The following CYTH1 variants were observed in gnomAD, a reference collection of about 807,000 sequenced individuals.
The protein encoded by CYTH1 is cytohesin 1.
Under a neutral mutation model 61.8 loss-of-function variants are expected in CYTH1, and 18 were observed. The observed-to-expected ratio is 0.29, with a 90% CI of 0.20 to 0.43. The LOEUF is 0.43. Among genes scored for constraint, CYTH1 ranks in the 20% least tolerant of loss-of-function variants. CYTH1 has a pLI of 1.00. For synonymous variants in CYTH1, 174 were observed against 184.3 expected (o/e 0.94, Z 0.45); for missense variants, 336 against 510.5 (o/e 0.66, Z 3.29).
chr17:78,769,435 C>T (rs1055877635), intron 1 of CYTH1, among the ~76,000 whole-genome samples: 1 of 152,112 alleles, frequency 6.6e-6, no homozygotes, highest in Non-Finnish European at 1.5e-5. Flanking sequence ...CTACTTGGCA[C>T]TAACTCATCT....
intron 7 of CYTH1, 97 bp from the exon 8 acceptor site, chr17:78,699,065 G>T: frequency 6.8e-7 from 1 of 1,465,704 alleles, no homozygotes; most frequent in Non-Finnish European, 9.3e-7. Flanking sequence ...ATGAAATCAG[G>T]AATAAAAAAC....
rs1417160834 is a variant in CYTH1 at position 78,760,424 on chromosome 17, TACAC to T, written c.22+21774_22+21777del. Among the ~76,000 whole-genome samples the T allele has an allele frequency of 2.6e-4, 18 of 68,484 alleles. 2 individuals are homozygous for T. The highest frequency in any genetic ancestry group is 6.5e-4 in the Admixed American group (4 of 6,146). The allele number at this position is 68,484 out of a possible 152,430, so 44.9% of individuals were successfully genotyped here. On this transcript the variant is annotated intron_variant, in intron 1 of 13. Transcript: ENST00000446868. ...ATATATATGTGTATATATATATATA[TACAC>T]ATACATATATATATGTATATATATA... is the stretch of plus-strand genomic sequence containing the variant.
At chr17:78,769,251 C>T (rs756317950) in intron 1 of CYTH1, among the ~76,000 whole-genome samples, 1 of 151,790 alleles carries the variant, frequency 6.6e-6, no homozygotes, top group Non-Finnish European at 1.5e-5. Context: ...CATACTGAAG[C>T]CCCCCATAAC....
intron 13 of CYTH1, among the ~76,000 whole-genome samples, chr17:78,678,699 A>G (rs936931974): frequency 6.6e-6 from 1 of 152,276 alleles, no homozygotes; most frequent in South Asian, 2.1e-4. Flanking sequence ...CGTCTGCTCA[A>G]TGGAGGGTGG....
In CYTH1 at chr17:78,760,583, A is replaced by ATG. The variant is rs375333481; in HGVS notation, c.22+21617_22+21618dup. 2.8e-3 allele frequency among the ~76,000 whole-genome samples: 66 copies of ATG among 23,332 alleles called. 14 individuals carry two copies. Among genetic ancestry groups the ATG allele is most frequent in the African/African-American group, 7.9e-3 (61 of 7,700 alleles). The allele number at this position is 23,332 out of a possible 152,430, so 15.3% of individuals were successfully genotyped here. A position where few individuals can be genotyped will look rare whatever the true frequency, so the allele number is the denominator to read the frequency against. ...TATATATATATACACATACATATATATGTATATATATGTATATATATAGTT... is the reference window on the plus strand; with the variant it reads ...TATATATATATACACATACATATATATGTGTATATATATGTATATATATAGTT... On this transcript the variant is annotated intron_variant, in intron 1 of 13. Coordinates refer to ENST00000446868, the MANE Select transcript of CYTH1 (RefSeq NM_004762.6).
At chr17:78,743,188 G>GA (rs1169793965) in intron 1 of CYTH1, among the ~76,000 whole-genome samples, 3 of 152,098 alleles carry the variant, frequency 2.0e-5, no homozygotes, top group Non-Finnish European at 4.4e-5. Context: ...CTATAAAAAT[G>GA]AAAAAAGAAA....
intron 1 of CYTH1, among the ~76,000 whole-genome samples, chr17:78,749,330 G>A (rs2093370672): frequency 6.6e-6 from 1 of 152,098 alleles, no homozygotes; most frequent in South Asian, 2.1e-4. Context: ...CATGGTGGTA[G>A]GCACCTGTAA....
At position 78,680,332 on chromosome 17, in the gene CYTH1, G is replaced by C. The variant is rs760532115; in HGVS notation, c.976C>G (p.Leu326Val). The C allele has an allele frequency of 6.2e-7, 1 of 1,613,458 alleles. No homozygotes were observed. The highest frequency in any genetic ancestry group is 2.2e-5 in the East Asian group (1 of 44,866). ...TGGTCTTTATTGTCGGGGATATAAA[G>C]CTCAAAGCAGTTCTGAGAATCAAAA... The part of the protein sequence containing the change: ...EDSKKPNCFE[L>V]YIPDNKDQVI... The change falls in exon 13 of 14, where the codon CTT becomes GTT. Residue 326 changes from leucine to valine, a missense_variant. This residue lies in a region of CYTH1 where 83 missense variants were observed against 115.6 expected (regional missense o/e 0.72). Transcript: ENST00000446868.
intron 7 of CYTH1, among the ~76,000 whole-genome samples, chr17:78,699,884 G>A (rs546793575): frequency 6.6e-6 from 1 of 152,164 alleles, no homozygotes; most frequent in Admixed American, 6.5e-5. Context: ...TAAACTCTTG[G>A]GCTCAAGAGA....
At chr17:78,725,015 T>C (rs1203626861) in intron 1 of CYTH1, among the ~76,000 whole-genome samples, 2 of 152,172 alleles carry the variant, frequency 1.3e-5, no homozygotes, top group Non-Finnish European at 2.9e-5. Context: ...AAAATGTATA[T>C]TGAGAGTCCC....
chr17:78,740,647 T>C (rs1259551167), intron 1 of CYTH1, among the ~76,000 whole-genome samples: 1 of 152,222 alleles, frequency 6.6e-6, no homozygotes, highest in Non-Finnish European at 1.5e-5. Context: ...TTCCTTAAAA[T>C]AGACATTTAA....
At chr17:78,738,613 A>G (rs1226469229) in intron 1 of CYTH1, among the ~76,000 whole-genome samples, 2 of 149,938 alleles carry the variant, frequency 1.3e-5, no homozygotes, top group Non-Finnish European at 2.9e-5. Flanking sequence ...GAATAAATAC[A>G]TATGCATATA....
intron 1 of CYTH1, among the ~76,000 whole-genome samples, chr17:78,710,241 T>C (rs745459386): frequency 6.6e-6 from 1 of 152,198 alleles, no homozygotes. Flanking sequence ...AAAGAGACTA[T>C]GTATGCACTG....
intron 9 of CYTH1, among the ~76,000 whole-genome samples, 160 bp downstream of exon 9, chr17:78,698,109 A>G (rs2092961130): frequency 6.6e-6 from 1 of 152,182 alleles, no homozygotes. Context: ...GTGTCCATGA[A>G]TGTGTGTGAA....
Position 78,708,280 on chromosome 17 carries a change from A to G in CYTH1, c.106-19T>C. ...TCAGCCTCTATAAAACAGACAGTCC[A>G]GAGTCAGCAGGAAAGGCAGATGCAG... On this transcript the variant is annotated intron_variant, in intron 2 of 13. Coordinates refer to ENST00000446868, the MANE Select transcript of CYTH1 (RefSeq NM_004762.6). 6.2e-7 allele frequency: 1 copy of G among 1,602,874 alleles called. No homozygotes were observed. Among genetic ancestry groups the G allele is most frequent in the African/African-American group, 1.4e-5 (1 of 74,022 alleles).
intron 1 of CYTH1, among the ~76,000 whole-genome samples, chr17:78,724,754 C>A (rs77069527): frequency 6.6e-6 from 1 of 152,188 alleles, no homozygotes. Context: ...GGAAGGCACC[C>A]GCCCCTCTGC....
Position 78,701,652 on chromosome 17 carries a change from T to C in CYTH1, c.437+19A>G. 5.0e-6 allele frequency: 8 copies of C among 1,613,290 alleles called. No individual in the cohort carries two copies. The highest frequency in any genetic ancestry group is 6.8e-6 in the Non-Finnish European group (8 of 1,179,282). On this transcript the variant is annotated intron_variant, in intron 6 of 13. Transcript: ENST00000446868. ...AGCCTCCCACTCCTTCCAAAGGGGC[T>C]CACCTCAAGAATACTCACCGTAGTG...
In CYTH1 at chr17:78,780,600, G is replaced by A. The variant is rs2093513005; in HGVS notation, c.22+1602C>T. On this transcript the variant is annotated intron_variant, in intron 1 of 13. Coordinates refer to ENST00000446868, the MANE Select transcript of CYTH1 (RefSeq NM_004762.6). ...TAAGGTAACAAGTGGGCTGGGTGTG[G>A]TGGCTCAGGCCTGTAATCCCAACAC... Among the ~76,000 whole-genome samples, 4 of 152,340 alleles carry A rather than the reference G, an allele frequency of 2.6e-5. No homozygotes were observed. In the South Asian group the frequency reaches 6.2e-4, roughly 24 times the overall value.
intron 1 of CYTH1, among the ~76,000 whole-genome samples, chr17:78,713,038 C>T (rs183434600): frequency 3.3e-4 from 50 of 152,018 alleles, no homozygotes; most frequent in Middle Eastern, 3.4e-3. Flanking sequence ...CCAAACCCAC[C>T]ACCCCAAATG....
Sources: allele counts gnomAD v4.1 joint callset (sites outside exome capture counted in the v4.1 genomes callset), GRCh38; gene constraint gnomAD v4.1.1; regional missense constraint gnomAD v4.1.1; transcripts MANE v1.5; gene names NCBI Gene and HGNC (gene_info 2026-07-23, HGNC 2026-07-21).